The following PCM1 variants were observed in gnomAD, a reference collection of about 807,000 sequenced individuals.
PCM1 encodes the protein pericentriolar material 1.
PCM1 carries 157 observed loss-of-function variants against 241.9 expected under a neutral mutation model. The observed-to-expected ratio is 0.65, with a 90% CI of 0.57 to 0.74. The LOEUF (loss-of-function observed/expected upper bound fraction) is 0.74. PCM1 is among the 30% of genes least tolerant of loss of function. The pLI is 0.00. For missense variants in PCM1, 3,478 were observed against 2,360.1 expected (o/e 1.47, Z -9.81); for synonymous variants, 1,085 against 784.9 (o/e 1.38, Z -6.39).
intron 35 of PCM1, among the ~76,000 whole-genome samples, 159 bp downstream of exon 35, chr8:18,014,195 A>G (rs2092881702): frequency 6.6e-6 from 1 of 151,980 alleles, no homozygotes; most frequent in Non-Finnish European, 1.5e-5. Context: ...AATCCTTTGT[A>G]GAAAACATAA....
chr8:18,028,992 A>C lies in PCM1; in HGVS notation c.*1330A>C, dbSNP rs2129491908. ...TGGGGGAAACCCCGTCTCTACTAAAAATAAAAAAATTAGCTGGGAGAGGTG... is the reference window on the plus strand; with the variant it reads ...TGGGGGAAACCCCGTCTCTACTAAACATAAAAAAATTAGCTGGGAGAGGTG... On this transcript the variant is annotated 3_prime_UTR_variant, in exon 39 of 39. Coordinates refer to ENST00000325083, the MANE Select transcript of PCM1 (RefSeq NM_006197.4). 1 of 177,446 alleles carries C rather than the reference A, an allele frequency of 5.6e-6. No individual in the cohort carries two copies. The highest frequency in any genetic ancestry group is 2.4e-5 in the African/African-American group (1 of 42,406). The allele number at this position is 177,446 out of a possible 1,614,324, so 11.0% of individuals were successfully genotyped here. A position where few individuals can be genotyped will look rare whatever the true frequency, so the allele number is the denominator to read the frequency against.
intron 2 of PCM1, among the ~76,000 whole-genome samples, chr8:17,928,648 G>A (rs1380698485): frequency 5.4e-5 from 6 of 110,234 alleles, no homozygotes; most frequent in African/African-American, 2.0e-4. Flanking sequence ...TTTTTTTAAA[G>A]TGAGGCGGAG....
At chr8:17,928,281 C>T (rs7015946) in intron 2 of PCM1, among the ~76,000 whole-genome samples, 68,104 of 152,030 alleles carry the variant, frequency 0.45, 17,087 homozygotes, top group Non-Finnish European at 0.58. Context: ...AATAGTCTCT[C>T]GTTTCCCTGA....
chr8:17,949,199 G>T (rs949301630), intron 7 of PCM1, among the ~76,000 whole-genome samples: 2 of 151,982 alleles, frequency 1.3e-5, no homozygotes, highest in African/African-American at 4.8e-5. Context: ...ATTTAGTCTT[G>T]TATTTATGAG....
chr8:18,000,296 T>G (rs931036324), intron 29 of PCM1, among the ~76,000 whole-genome samples: 1 of 152,156 alleles, frequency 6.6e-6, no homozygotes, highest in Non-Finnish European at 1.5e-5. Flanking sequence ...TATAAAATAT[T>G]ACAGGCCATG....
At chr8:18,010,064 C>CCT (rs2092249233) in intron 31 of PCM1, among the ~76,000 whole-genome samples, 1 of 152,318 alleles carries the variant, frequency 6.6e-6, no homozygotes, top group Middle Eastern at 3.4e-3. Flanking sequence ...GTGCCAGGTG[C>CCT]CTGCCATGTC....
rs1014903344 is a variant in PCM1 at position 17,932,553 on chromosome 8, T to G, written c.-22-3036T>G. On this transcript the variant is annotated intron_variant, in intron 2 of 38. Coordinates refer to ENST00000325083, the MANE Select transcript of PCM1 (RefSeq NM_006197.4). ...TTGCAAACTACTTGTTTTGCTTATATTTCTCCGGTTTTATTTTTTTAAAAC... is the reference window on the plus strand; with the variant it reads ...TTGCAAACTACTTGTTTTGCTTATAGTTCTCCGGTTTTATTTTTTTAAAAC... Among the ~76,000 whole-genome samples, 7 of 152,176 alleles carry G rather than the reference T, an allele frequency of 4.6e-5. No individual in the cohort carries two copies. The East Asian group carries it at 1.3e-3, about 29-fold the overall frequency.
At position 17,957,412 on chromosome 8, in the gene PCM1, C is replaced by G; in HGVS notation, c.1795C>G (p.Pro599Ala). ...AANIRALNMP[P>A]SLDCRYNREG... ...CAACATAAGGGCTCTAAACATGCCT[C>G]CTTCTTTAGGTATGACTGACTGTAT... The change falls in exon 12 of 39, where the codon CCT (proline) becomes GCT (alanine). Residue 599 changes from proline (P) to alanine (A), a missense_variant. Coordinates refer to ENST00000325083, the MANE Select transcript of PCM1 (RefSeq NM_006197.4). 1.2e-6 allele frequency: 2 copies of G among 1,612,380 alleles called. No individual in the cohort carries two copies. Among genetic ancestry groups the G allele is most frequent in the Non-Finnish European group, 1.7e-6 (2 of 1,178,916 alleles).
At position 18,006,180 on chromosome 8, in the gene PCM1, T is replaced by G. The variant is rs140078007; in HGVS notation, c.4828-83T>G. On this transcript the variant is annotated intron_variant, in intron 29 of 38. Coordinates refer to ENST00000325083, the MANE Select transcript of PCM1 (RefSeq NM_006197.4). ...CATCTACGGCAAGAAAATTAAAAAT[T>G]AACATTTTGTATTATATGGATTGAT... 1,337 of 1,094,932 alleles carry G rather than the reference T, an allele frequency of 1.2e-3. 12 individuals are homozygous for G. The African/African-American group carries it at 0.019, about 15-fold the overall frequency. 67.8% of individuals were successfully genotyped at this position (1,094,932 alleles called of 1,614,324 possible). A position where few individuals can be genotyped will look rare whatever the true frequency, so the allele number is the denominator to read the frequency against.
Position 17,964,662 on chromosome 8 carries a change from G to A in PCM1, c.2749G>A (p.Glu917Lys). 6.2e-7 allele frequency: 1 copy of A among 1,613,896 alleles called. No homozygotes were observed. The highest frequency in any genetic ancestry group is 8.5e-7 in the Non-Finnish European group (1 of 1,179,786). Residue 917 changes from glutamate to lysine, a missense_variant, in exon 18 of 39, where the codon GAA becomes AAA. Coordinates refer to ENST00000325083, the MANE Select transcript of PCM1 (RefSeq NM_006197.4). ...YLSEGIVRTD[E>K]EEEEEQDASS... Reference sequence around the variant, plus strand: ...TTCTGAAGGAATTGTTCGGACAGATGAAGAGGAGGAAGAAGAGCAAGATGC... The same window carrying A: ...TTCTGAAGGAATTGTTCGGACAGATAAAGAGGAGGAAGAAGAGCAAGATGC...
chr8:17,971,915 T>A (rs2076982713), intron 22 of PCM1, among the ~76,000 whole-genome samples: 1 of 152,160 alleles, frequency 6.6e-6, no homozygotes, highest in African/African-American at 2.4e-5. Flanking sequence ...GGCTCATTTT[T>A]AAAATTTTTT....
intron 31 of PCM1, 112 bp downstream of exon 31, chr8:18,009,856 A>C (rs117126846): frequency 1.7e-6 from 1 of 600,980 alleles, no homozygotes; most frequent in East Asian, 3.1e-5. Flanking sequence ...TGTTTTTAGT[A>C]ATACCAGTTA....
At chr8:17,947,497 C>A in intron 7 of PCM1, 134 bp downstream of exon 7, 1 of 632,458 alleles carries the variant, frequency 1.6e-6, no homozygotes, top group Non-Finnish European at 2.6e-6. Flanking sequence ...GAGGCTTATA[C>A]TTTCCTGTGC....
At chr8:17,954,981 CT>C (rs2067539222) in intron 9 of PCM1, among the ~76,000 whole-genome samples, 1 of 152,068 alleles carries the variant, frequency 6.6e-6, no homozygotes, top group African/African-American at 2.4e-5. Context: ...TGACATCCCC[CT>C]GATCTGTGGG....
rs376840731 is a variant in PCM1 at position 17,938,883 on chromosome 8, C to G, written c.486C>G (p.Asn162Lys). ...AAGATGCATCTACAAACCCCCCAAACAGAGAAACGATTGGATCAGCACAGT... is the reference window on the plus strand; with the variant it reads ...AAGATGCATCTACAAACCCCCCAAAGAGAGAAACGATTGGATCAGCACAGT... Reference protein sequence around the residue: ...KSKDASTNPPNRETIGSAQCK... With the variant: ...KSKDASTNPPKRETIGSAQCK... The change falls in exon 5 of 39, where the codon AAC (asparagine) becomes AAG (lysine). Residue 162 changes from asparagine (N) to lysine (K), a missense_variant. Physicochemically the swap from Asn to Lys is moderately conservative, Grantham distance 94. Coordinates refer to ENST00000325083, the MANE Select transcript of PCM1 (RefSeq NM_006197.4). The G allele has an allele frequency of 2.5e-6, 4 of 1,613,744 alleles. No individual in the cohort carries two copies. In the East Asian group the frequency reaches 8.9e-5, roughly 36 times the overall value.
At chr8:17,966,861 T>C in intron 20 of PCM1, 119 bp from the exon 21 acceptor site, 1 of 863,540 alleles carries the variant, frequency 1.2e-6, no homozygotes. Context: ...TTTGTTACAG[T>C]ATCAGAGCAG....
intron 36 of PCM1, among the ~76,000 whole-genome samples, chr8:18,017,468 A>C (rs957736177): frequency 1.3e-5 from 2 of 152,224 alleles, no homozygotes; most frequent in African/African-American, 4.8e-5. Flanking sequence ...AGTTTCTGTA[A>C]AGAGGCCATT....
chr8:17,958,937 G>T (rs1448332128), intron 13 of PCM1, among the ~76,000 whole-genome samples: 2 of 152,072 alleles, frequency 1.3e-5, no homozygotes, highest in African/African-American at 4.8e-5. Flanking sequence ...GGCCAGGCTG[G>T]TCTTGAACTC....
At chr8:17,957,201 C>A in intron 11 of PCM1, 63 bp from the exon 12 acceptor site, 1 of 1,360,262 alleles carries the variant, frequency 7.4e-7, no homozygotes, top group Non-Finnish European at 9.9e-7. Flanking sequence ...CAGTTCTAAA[C>A]TTGGATTTCT....
Sources: gnomAD v4.1 joint callset for allele counts (sites outside exome capture counted in the v4.1 genomes callset) on GRCh38, gnomAD v4.1.1 for gene constraint, MANE v1.5 for transcripts, NCBI Gene and HGNC (gene_info 2026-07-23, HGNC 2026-07-21) for gene names.